The following SECISBP2L variants were observed in gnomAD, a reference collection of about 807,000 sequenced individuals.
The protein encoded by SECISBP2L is SECIS binding protein 2 like, also known as selenocysteine insertion sequence-binding protein 2-like.
A neutral mutation model predicts 114.7 loss-of-function variants in SECISBP2L; 43 were observed. That is an observed-to-expected ratio of 0.38 (90% CI 0.29 to 0.48). SECISBP2L has a LOEUF of 0.48. SECISBP2L is among the 20% of genes least tolerant of loss of function. The pLI is 0.98. For synonymous variants in SECISBP2L, 451 were observed against 439.7 expected, an observed-to-expected ratio of 1.03 and a Z score of -0.32; for missense variants, 1,136 against 1,301.1, an observed-to-expected ratio of 0.87 and a Z score of 1.95.
chr15:49,045,134 T>C (rs1484576305), intron 1 of SECISBP2L, among the ~76,000 whole-genome samples: 2 of 152,198 alleles, frequency 1.3e-5, no homozygotes, highest in African/African-American at 4.8e-5. Context: ...TGTATTGTTT[T>C]ATAAAACTCA....
chr15:49,017,903 G>T (rs1381738265), intron 8 of SECISBP2L: 1 of 259,740 alleles, frequency 3.9e-6, no homozygotes. Context: ...AGATGGGTGG[G>T]TAATTGAAAA....
At chr15:49,036,391 C>T (rs1482399239) in intron 2 of SECISBP2L, among the ~76,000 whole-genome samples, 2 of 152,202 alleles carry the variant, frequency 1.3e-5, no homozygotes, top group Non-Finnish European at 2.9e-5. Context: ...GGCTTTTCCT[C>T]ATTACTCCCA....
At position 49,027,416 on chromosome 15, in the gene SECISBP2L, AT is replaced by A. The variant is rs1250291029; in HGVS notation, c.983del (p.Asn328IlefsTer45). 1.2e-6 allele frequency: 2 copies of A among 1,610,518 alleles called. No homozygotes were observed. The highest frequency in any genetic ancestry group is 1.1e-5 in the South Asian group (1 of 90,568). ...GCCTTCCACCTCTAGAAAATGTCTG[AT>A]TTTTTTCCATCCAAGGTTTTTTCTG... ...ATQKKPWMEKNQTFSRGGRQT... is the reference protein window; with the variant it reads ...ATQKKPWMEKXQTFSRGGRQT... On this transcript the variant is annotated frameshift_variant, in exon 7 of 18. Coordinates refer to ENST00000559471, the MANE Select transcript of SECISBP2L (RefSeq NM_001193489.2). LOFTEE classifies it high-confidence loss of function.
In SECISBP2L at chr15:48,990,704, A is replaced by G. The variant is rs1328795541; in HGVS notation, c.*1540T>C. On this transcript the variant is annotated 3_prime_UTR_variant, in exon 18 of 18. Coordinates refer to ENST00000559471, the MANE Select transcript of SECISBP2L (RefSeq NM_001193489.2). The stretch of plus-strand genomic sequence containing the variant: ...ATGAGTTCAGTAAAGAATCTGCCCA[A>G]TTCTTCTCTCCTGCCTCTGTGAGGC... 6.6e-6 allele frequency: 1 copy of G among 152,536 alleles called. No individual in the cohort carries two copies. Among genetic ancestry groups the G allele is most frequent in the Non-Finnish European group, 1.5e-5 (1 of 68,028 alleles). The allele number at this position is 152,536 out of a possible 1,614,324, so 9.4% of individuals were successfully genotyped here. A position where few individuals can be genotyped will look rare whatever the true frequency, so the allele number is the denominator to read the frequency against.
chr15:49,001,162 A>T, intron 14 of SECISBP2L, 65 bp from the exon 15 acceptor site: 1 of 972,300 alleles, frequency 1.0e-6, no homozygotes, highest in South Asian at 1.7e-5. Flanking sequence ...ATAAAACTGC[A>T]TTAAGAAAAT....
Position 48,990,545 on chromosome 15 carries a change from T to G in SECISBP2L, c.*1699A>C, listed in dbSNP as rs1002400370. 4 of 152,558 alleles carry G rather than the reference T, an allele frequency of 2.6e-5. No homozygotes were observed. Among genetic ancestry groups the G allele is most frequent in the African/African-American group, 4.8e-5 (2 of 41,424 alleles). 9.5% of individuals were successfully genotyped at this position (152,558 alleles called of 1,614,324 possible). A position where few individuals can be genotyped will look rare whatever the true frequency, so the allele number is the denominator to read the frequency against. Reference sequence around the variant, plus strand: ...TCCCCTTTTAGCACAATAATAAAGTTGATTGACTAACATTTTCTACACAGC... The same window carrying G: ...TCCCCTTTTAGCACAATAATAAAGTGGATTGACTAACATTTTCTACACAGC... On this transcript the variant is annotated 3_prime_UTR_variant, in exon 18 of 18. Coordinates refer to ENST00000559471, the MANE Select transcript of SECISBP2L (RefSeq NM_001193489.2).
Position 49,005,319 on chromosome 15 carries a change from G to C in SECISBP2L, c.2027+3897C>G, listed in dbSNP as rs1257139054. ...CACTCCAGCCTGGGTGACAGACCCAGACTCCATCTCAAAAAAAAAGTCTCC... is the reference window on the plus strand; with the variant it reads ...CACTCCAGCCTGGGTGACAGACCCACACTCCATCTCAAAAAAAAAGTCTCC... On this transcript the variant is annotated intron_variant, in intron 14 of 17. Coordinates refer to ENST00000559471, the MANE Select transcript of SECISBP2L (RefSeq NM_001193489.2). Among the ~76,000 whole-genome samples the C allele has an allele frequency of 3.2e-5, 4 of 123,832 alleles. No individual in the cohort carries two copies. In the East Asian group the frequency reaches 6.2e-4, roughly 19 times the overall value. 81.2% of individuals were successfully genotyped at this position (123,832 alleles called of 152,430 possible). A position where few individuals can be genotyped will look rare whatever the true frequency, so the allele number is the denominator to read the frequency against.
At chr15:49,017,306 G>C (rs961218643) in intron 9 of SECISBP2L, among the ~76,000 whole-genome samples, 2 of 152,134 alleles carry the variant, frequency 1.3e-5, no homozygotes, top group African/African-American at 4.8e-5. Context: ...AGTACAGACT[G>C]TATGTTGTAT....
At chr15:49,016,807 CA>C in intron 10 of SECISBP2L, 40 bp downstream of exon 10, 5 of 1,591,420 alleles carry the variant, frequency 3.1e-6, no homozygotes, top group Non-Finnish European at 4.3e-6. Context: ...TCAAACCTAG[CA>C]AGTAAACTAT....
chr15:49,028,745 A>ATTTGTAAT, intron 4 of SECISBP2L, 63 bp from the exon 5 acceptor site: 2 of 1,340,706 alleles, frequency 1.5e-6, no homozygotes, highest in Non-Finnish European at 2.1e-6. Context: ...TTCTCATTAA[A>ATTTGTAAT]TCATCATTAA....
intron 15 of SECISBP2L, among the ~76,000 whole-genome samples, 161 bp downstream of exon 15, chr15:49,000,716 T>A (rs1902185727): frequency 6.6e-6 from 1 of 152,238 alleles, no homozygotes; most frequent in Non-Finnish European, 1.5e-5. Flanking sequence ...TCAATTCTAC[T>A]ACTTAATTTC....
intron 1 of SECISBP2L, among the ~76,000 whole-genome samples, chr15:49,038,435 A>AG: frequency 6.6e-6 from 1 of 152,024 alleles, no homozygotes; most frequent in East Asian, 1.9e-4. Context: ...AAGACATAAA[A>AG]AAAAAAAAAA....
At chr15:49,042,169 T>A (rs1455777933) in intron 1 of SECISBP2L, among the ~76,000 whole-genome samples, 1 of 152,248 alleles carries the variant, frequency 6.6e-6, no homozygotes. Flanking sequence ...TAACTTATTA[T>A]TTTCTCTTTT....
At chr15:49,007,255 T>A (rs1476357941) in intron 14 of SECISBP2L, among the ~76,000 whole-genome samples, 1 of 152,194 alleles carries the variant, frequency 6.6e-6, no homozygotes, top group Non-Finnish European at 1.5e-5. Flanking sequence ...GTATCTCCTA[T>A]TCAGGAGGCA....
chr15:49,031,438 T>G lies in SECISBP2L; in HGVS notation c.664+1527A>C, dbSNP rs186982208. On this transcript the variant is annotated intron_variant, in intron 4 of 17. Coordinates refer to ENST00000559471, the MANE Select transcript of SECISBP2L (RefSeq NM_001193489.2). ...TTTCAGTGTTATTGTTAATGACATC[T>G]TTTTTTTAAATTTTGTGGGTGGCAA... Among the ~76,000 whole-genome samples, 298 of 152,080 alleles carry G rather than the reference T, an allele frequency of 2.0e-3. 1 individual carries two copies. The highest frequency in any genetic ancestry group is 0.017 in the South Asian group (82 of 4,826).
intron 14 of SECISBP2L, among the ~76,000 whole-genome samples, chr15:49,004,288 C>G (rs1354749342): frequency 1.3e-5 from 2 of 152,004 alleles, no homozygotes; most frequent in Non-Finnish European, 2.9e-5. Flanking sequence ...TTGTGATCTT[C>G]CCTTTATCAT....
At chr15:49,037,500 G>T in intron 2 of SECISBP2L, 91 bp downstream of exon 2, 2 of 1,138,188 alleles carry the variant, frequency 1.8e-6, no homozygotes, top group Non-Finnish European at 2.5e-6. Context: ...AATGGTTAAA[G>T]TCTAAAAGTT....
At chr15:49,027,281 A>T (rs539611294) in intron 7 of SECISBP2L, 84 bp downstream of exon 7, 1 of 878,338 alleles carries the variant, frequency 1.1e-6, no homozygotes, top group African/African-American at 1.6e-5. Context: ...CTCCATGTGC[A>T]TATCCACTAC....
intron 15 of SECISBP2L, 46 bp downstream of exon 15, chr15:49,000,831 C>T: frequency 6.8e-7 from 1 of 1,479,124 alleles, no homozygotes; most frequent in Non-Finnish European, 9.3e-7. Flanking sequence ...CACTGTATAT[C>T]CCACAGCTAT....
Sources: allele counts gnomAD v4.1 joint callset (sites outside exome capture counted in the v4.1 genomes callset), GRCh38; gene constraint gnomAD v4.1.1; transcripts MANE v1.5; gene names NCBI Gene and HGNC (gene_info 2026-07-23, HGNC 2026-07-21).